Variants in TRMT11 observed in about 807,000 individuals in gnomAD.
The protein encoded by TRMT11 is tRNA methyltransferase 11, also known as tRNA (guanine(10)-N(2))-methyltransferase TRMT11.
TRMT11 carries 53 observed loss-of-function variants against 62.8 expected under a neutral mutation model. The observed-to-expected ratio is 0.84, with a 90% CI of 0.68 to 1.06. The LOEUF is 1.06. Ranked by LOEUF, TRMT11 falls within the 50% of genes least tolerant of loss-of-function variation. The pLI is 0.00. For synonymous variants in TRMT11, 188 were observed against 190.3 expected (o/e 0.99, Z 0.10); for missense variants, 556 against 553.4 (o/e 1.00, Z -0.05).
At chr6:126,208,950 A>G in the TRMT11 span, among the ~76,000 whole-genome samples, 3 of 152,244 alleles carry the variant, frequency 2.0e-5, no homozygotes, top group African/African-American at 7.2e-5. Context: ...TGGACACAAT[A>G]TGCTTGTAAT....
At chr6:126,044,642 GTCTT>G (rs1305409828) in intron 16 of TRMT11, among the ~76,000 whole-genome samples, 2 of 152,172 alleles carry the variant, frequency 1.3e-5, no homozygotes, top group African/African-American at 4.8e-5. Context: ...AAGATATAGA[GTCTT>G]TCTCTCCCCT....
intron 12 of TRMT11, among the ~76,000 whole-genome samples, chr6:126,023,319 C>G (rs1369610564): frequency 6.6e-6 from 1 of 152,140 alleles, no homozygotes; most frequent in Non-Finnish European, 1.5e-5. Flanking sequence ...ATTTCAAACC[C>G]CGTTGATTAA....
At chr6:126,232,172 G>A in the TRMT11 span, among the ~76,000 whole-genome samples, 1 of 151,540 alleles carries the variant, frequency 6.6e-6, no homozygotes, top group African/African-American at 2.4e-5. Context: ...GTGTGTAGAT[G>A]TGTGTGTAGT....
chr6:126,141,324 G>T (rs552288913), intron 21 of TRMT11, among the ~76,000 whole-genome samples: 2 of 152,232 alleles, frequency 1.3e-5, no homozygotes, highest in Non-Finnish European at 2.9e-5. Context: ...CATGTAGCTA[G>T]TTACAGCTTT....
At chr6:126,194,082 C>T (rs1222502379) in intron 1 of TRMT11, among the ~76,000 whole-genome samples, 2 of 151,990 alleles carry the variant, frequency 1.3e-5, no homozygotes, top group African/African-American at 4.8e-5. Flanking sequence ...GCTTTTTGAC[C>T]TAATATATGG....
intron 17 of TRMT11, among the ~76,000 whole-genome samples, chr6:126,068,385 CT>C (rs1776751123): frequency 6.6e-6 from 1 of 152,048 alleles, no homozygotes; most frequent in Non-Finnish European, 1.5e-5. Flanking sequence ...ATATAATCTC[CT>C]ATGTTATCTT....
intron 17 of TRMT11, among the ~76,000 whole-genome samples, chr6:126,085,035 G>A (rs867189086): frequency 2.7e-4 from 41 of 152,234 alleles, no homozygotes; most frequent in Non-Finnish European, 4.0e-4. Context: ...TAATAATAAT[G>A]ATGTTCTGCT....
At chr6:126,250,791 G>A in the TRMT11 span, among the ~76,000 whole-genome samples, 1 of 152,112 alleles carries the variant, frequency 6.6e-6, no homozygotes, top group Non-Finnish European at 1.5e-5. Flanking sequence ...AAAATGCAGG[G>A]AAGTATCAGT....
chr6:126,245,439 A>G, the TRMT11 span, among the ~76,000 whole-genome samples: 2 of 152,260 alleles, frequency 1.3e-5, no homozygotes, highest in Non-Finnish European at 2.9e-5. Flanking sequence ...TGAATTGCTC[A>G]AACTTAAAGG....
At chr6:126,260,003 T>G in the TRMT11 span, among the ~76,000 whole-genome samples, 1 of 152,126 alleles carries the variant, frequency 6.6e-6, no homozygotes, top group South Asian at 2.1e-4. Flanking sequence ...TGGGTCTAGT[T>G]TTTTTTATTC....
chr6:126,237,934 T>C, the TRMT11 span, among the ~76,000 whole-genome samples: 4 of 152,174 alleles, frequency 2.6e-5, no homozygotes, highest in African/African-American at 9.7e-5. Context: ...CCTGGTTTAG[T>C]CTTGGGAGGG....
intron 2 of TRMT11, among the ~76,000 whole-genome samples, chr6:125,995,531 G>T (rs1791365469): frequency 6.6e-6 from 1 of 152,076 alleles, no homozygotes; most frequent in Non-Finnish European, 1.5e-5. Flanking sequence ...GTTTCAAAGG[G>T]CCCCTCCTTC....
At chr6:126,078,298 T>C (rs142210586) in intron 17 of TRMT11, among the ~76,000 whole-genome samples, 1 of 152,176 alleles carries the variant, frequency 6.6e-6, no homozygotes, top group Non-Finnish European at 1.5e-5. Flanking sequence ...GTAGGAACAA[T>C]GCTGTGCACT....
the TRMT11 span, among the ~76,000 whole-genome samples, chr6:126,219,007 C>T: frequency 7.2e-5 from 11 of 152,224 alleles, no homozygotes; most frequent in Admixed American, 1.3e-4. Flanking sequence ...AATACAAAGT[C>T]CCACAATTGT....
intron 7 of TRMT11, among the ~76,000 whole-genome samples, chr6:126,001,204 C>T (rs746977781): frequency 2.6e-5 from 4 of 152,064 alleles, no homozygotes; most frequent in Non-Finnish European, 5.9e-5. Context: ...CCAGTTTACC[C>T]AGTAATATTA....
At chr6:126,240,151 C>G in the TRMT11 span, among the ~76,000 whole-genome samples, 1 of 152,170 alleles carries the variant, frequency 6.6e-6, no homozygotes, top group Non-Finnish European at 1.5e-5. Flanking sequence ...GCCGTGGGTT[C>G]AAACTTCCTC....
intron 1 of TRMT11, among the ~76,000 whole-genome samples, chr6:125,989,036 G>T (rs1790149653): frequency 6.6e-6 from 1 of 152,110 alleles, no homozygotes; most frequent in African/African-American, 2.4e-5. Context: ...GCTTGGGGAG[G>T]GAGGTTGAAG....
chr6:126,062,992 A>T (rs1385304726), intron 17 of TRMT11, among the ~76,000 whole-genome samples: 1 of 152,232 alleles, frequency 6.6e-6, no homozygotes, highest in Non-Finnish European at 1.5e-5. Flanking sequence ...CAGCCATTAA[A>T]CAATATCATA....
At chr6:126,118,372 T>C (rs2128193891) in intron 21 of TRMT11, among the ~76,000 whole-genome samples, 1 of 152,174 alleles carries the variant, frequency 6.6e-6, no homozygotes, top group Admixed American at 6.5e-5. Flanking sequence ...AAGAGAAGAA[T>C]CACATAAATT....
Sources: gnomAD v4.1 joint callset for allele counts (sites outside exome capture counted in the v4.1 genomes callset) on GRCh38, gnomAD v4.1.1 for gene constraint, MANE v1.5 for transcripts, NCBI Gene and HGNC (gene_info 2026-07-23, HGNC 2026-07-21) for gene names.